Variants in ADAMTS14 observed in about 807,000 individuals in gnomAD.
The protein encoded by ADAMTS14 is ADAM metallopeptidase with thrombospondin type 1 motif 14.
In ADAMTS14, 100 loss-of-function variants were observed where a neutral mutation model predicts 128.6. That is an observed-to-expected ratio of 0.78 (90% confidence interval 0.66 to 0.92). ADAMTS14 has a LOEUF of 0.92. ADAMTS14 is among the 40% of genes least tolerant of loss of function. The probability of loss-of-function intolerance (pLI) is 0.00; values close to 1 mark genes in which losing one functional copy is unlikely to be tolerated. For synonymous variants in ADAMTS14, 665 were observed against 653.8 expected (o/e 1.02, Z -0.26); for missense variants, 1,562 against 1,658.6 (o/e 0.94, Z 1.01).
chr10:70,718,098 G>T (rs1841114443), intron 4 of ADAMTS14, among the ~76,000 whole-genome samples: 1 of 152,188 alleles, frequency 6.6e-6, no homozygotes, highest in African/African-American at 2.4e-5. Flanking sequence ...CCCTTGACAT[G>T]CATTACACAT....
Position 70,743,648 on chromosome 10 carries a change from C to A in ADAMTS14, c.2025C>A (p.Asp675Glu). Residue 675 changes from aspartate (D) to glutamate (E), a missense_variant, in exon 13 of 22, where the codon GAC (aspartate) becomes GAA (glutamate). Physicochemically the swap from Asp to Glu is conservative, Grantham distance 45. Coordinates refer to ENST00000373207, the MANE Select transcript of ADAMTS14 (RefSeq NM_080722.4). Reference sequence around the variant, plus strand: ...ATGGGACACGCTGCAGCTACCGGGACCCATACAGCGTCTGTGCGCGTGGCG... The same window carrying A: ...ATGGGACACGCTGCAGCTACCGGGAACCATACAGCGTCTGTGCGCGTGGCG... ...VHDGTRCSYR[D>E]PYSVCARGEC... The A allele has an allele frequency of 1.9e-6, 3 of 1,609,734 alleles. No individual in the cohort carries two copies. The highest frequency in any genetic ancestry group is 2.5e-6 in the Non-Finnish European group (3 of 1,178,316).
chr10:70,735,044 C>T (rs1841780144), intron 8 of ADAMTS14, 125 bp from the exon 9 acceptor site: 3 of 1,281,934 alleles, frequency 2.3e-6, no homozygotes, highest in African/African-American at 1.5e-5. Context: ...AGAGACAGCG[C>T]TGGGAACAGA....
rs749718374 is a variant in ADAMTS14 at position 70,752,203 on chromosome 10, A to G, written c.2705A>G (p.Asn902Ser). ...KRPKPIRRRC[N>S]QHPCSQPVWV... is the part of the protein sequence containing the mutation. ...CCCAAGCCCATCCGCCGGCGCTGCA[A>G]CCAGCACCCGTGCTCTCAGCCTGTG... Residue 902 changes from asparagine (N) to serine (S), a missense_variant, in exon 18 of 22, where the codon AAC becomes AGC. By Grantham distance (46) the Asn-to-Ser change is conservative. Transcript: ENST00000373207. The G allele has an allele frequency of 1.7e-5, 28 of 1,613,620 alleles. 1 individual carries two copies. The highest frequency in any genetic ancestry group is 8.3e-5 in the Admixed American group (5 of 59,994).
At chr10:70,689,195 C>T (rs1304205336) in intron 2 of ADAMTS14, among the ~76,000 whole-genome samples, 1 of 144,258 alleles carries the variant, frequency 6.9e-6, no homozygotes, top group Admixed American at 6.9e-5. Flanking sequence ...GTCCCCTAAT[C>T]CACGGCCACA....
Position 70,673,099 on chromosome 10 carries a change from G to T in ADAMTS14, c.82+215G>T, listed in dbSNP as rs545427788. Among the ~76,000 whole-genome samples, 4 of 152,332 alleles carry T rather than the reference G, an allele frequency of 2.6e-5. No individual in the cohort carries two copies. The South Asian group carries it at 8.3e-4, about 32-fold the overall frequency. ...TACTAGAAGTAGACAGAGACCCCAG[G>T]AGAGAATTTGGGAGCATCGAGTCTC... On this transcript the variant is annotated intron_variant, in intron 1 of 21. Coordinates refer to ENST00000373207, the MANE Select transcript of ADAMTS14 (RefSeq NM_080722.4).
intron 12 of ADAMTS14, among the ~76,000 whole-genome samples, chr10:70,741,801 T>C (rs1156757765): frequency 6.6e-6 from 1 of 152,198 alleles, no homozygotes; most frequent in Non-Finnish European, 1.5e-5. Flanking sequence ...CATCTATTTT[T>C]GAGTGTTTCC....
chr10:70,709,753 G>A (rs1215266616), intron 4 of ADAMTS14, among the ~76,000 whole-genome samples: 2 of 152,164 alleles, frequency 1.3e-5, no homozygotes, highest in Non-Finnish European at 2.9e-5. Context: ...GCCCGCCTCA[G>A]CCTCCCAAAG....
Position 70,750,476 on chromosome 10 carries a change from GA to G in ADAMTS14, c.2427+493del, listed in dbSNP as rs1589338135. On this transcript the variant is annotated intron_variant, in intron 16 of 21. Transcript: ENST00000373207. ...CCTAGAGCATGGGCCAGGGCTTGTG[GA>G]ATAGGGATTAACCCAGCAGACGAGA... is the stretch of plus-strand genomic sequence containing the variant. Among the ~76,000 whole-genome samples, 11 of 152,286 alleles carry G rather than the reference GA, an allele frequency of 7.2e-5. No homozygotes were observed. In the South Asian group the frequency reaches 2.3e-3, roughly 32 times the overall value.
rs143221436 is a variant in ADAMTS14, at chr10:70,757,457, G to A, written c.2938-505G>A. ...GTTTACAGAGTAAGACACTGAACCA[G>A]GGGTGGGGGGTAGCAGAAGCCACAA... On this transcript the variant is annotated intron_variant, in intron 19 of 21. Coordinates refer to ENST00000373207, the MANE Select transcript of ADAMTS14 (RefSeq NM_080722.4). 1.2e-3 allele frequency among the ~76,000 whole-genome samples: 188 copies of A among 152,300 alleles called. 1 individual carries two copies. In the Middle Eastern group the frequency reaches 0.027, roughly 22 times the overall value.
chr10:70,744,183 C>A lies in ADAMTS14; in HGVS notation c.2176C>A (p.Gln726Lys). 1 of 1,531,744 alleles carries A rather than the reference C, an allele frequency of 6.5e-7. No homozygotes were observed. 94.9% of individuals were successfully genotyped at this position (1,531,744 alleles called of 1,614,324 possible). A position where few individuals can be genotyped will look rare whatever the true frequency, so the allele number is the denominator to read the frequency against. The change falls in exon 14 of 22, where the codon CAG (glutamine) becomes AAG (lysine). Residue 726 changes from glutamine (Q) to lysine (K), a missense_variant. By Grantham distance (53) the Gln-to-Lys change is moderately conservative. Transcript: ENST00000373207. Reference protein sequence around the residue: ...VKGTLGKASKQAGALKLVQIP... With the variant: ...VKGTLGKASKKAGALKLVQIP... ...GGGGACGCTGGGCAAGGCCTCCAAG[C>A]AGGCAGGTGAGCCGGGCTGGGGCTG...
At chr10:70,700,241 C>T (rs1280631491) in intron 2 of ADAMTS14, among the ~76,000 whole-genome samples, 4 of 152,088 alleles carry the variant, frequency 2.6e-5, no homozygotes, top group African/African-American at 9.7e-5. Context: ...CAACCTCTGT[C>T]CCTGAGCCTG....
In ADAMTS14 at chr10:70,758,257, C is replaced by G. The variant is rs1259697796; in HGVS notation, c.3150C>G (p.Pro1050=). 2 of 1,614,218 alleles carry G rather than the reference C, an allele frequency of 1.2e-6. No homozygotes were observed. The highest frequency in any genetic ancestry group is 2.2e-5 in the South Asian group (2 of 91,082). ...GGCAGTGGGTGCCACAATCTGAACC[C>G]CTACATCCCATTAACAAGATATCAT... ...PEGQWVPQSE[P]LHPINKISST... The change falls in exon 21 of 22, where the codon CCC becomes CCG. Residue 1050 remains proline, a synonymous_variant. Transcript: ENST00000373207.
chr10:70,736,544 T>TGA lies in ADAMTS14; in HGVS notation c.1486-134_1486-133dup. On this transcript the variant is annotated intron_variant, in intron 9 of 21. Transcript: ENST00000373207. The stretch of plus-strand genomic sequence containing the variant: ...TGGAGTTGAGTAAACTTGAAGCAGG[T>TGA]GAGGGGCTCTGGCTGCCTTCCCTGC... 10 of 682,222 alleles carry TGA rather than the reference T, an allele frequency of 1.5e-5. 1 individual carries two copies. In the South Asian group the frequency reaches 2.4e-4, roughly 16 times the overall value. The allele number at this position is 682,222 out of a possible 1,614,324, so 42.3% of individuals were successfully genotyped here.
At chr10:70,705,458 T>C (rs1387513135) in intron 3 of ADAMTS14, among the ~76,000 whole-genome samples, 1 of 152,248 alleles carries the variant, frequency 6.6e-6, no homozygotes, top group African/African-American at 2.4e-5. Flanking sequence ...TACAAGCAAT[T>C]GAGATAAAAT....
intron 2 of ADAMTS14, among the ~76,000 whole-genome samples, chr10:70,686,439 G>A (rs1366669162): frequency 9.3e-6 from 1 of 107,496 alleles, no homozygotes; most frequent in African/African-American, 3.5e-5. Flanking sequence ...GCGGCCTTCC[G>A]CAGTGTTTGT....
At position 70,752,161 on chromosome 10, in the gene ADAMTS14, G is replaced by C. The variant is rs1842369445; in HGVS notation, c.2663G>C (p.Cys888Ser). ...CACCACATGGTGCAGCGACACCTGT[G>C]TGACCACAAGAAGAGGCCCAAGCCC... is the stretch of plus-strand genomic sequence containing the variant. ...RDHHMVQRHL[C>S]DHKKRPKPIR... Residue 888 changes from cysteine (C) to serine (S), a missense_variant, in exon 18 of 22, where the codon TGT becomes TCT. Coordinates refer to ENST00000373207, the MANE Select transcript of ADAMTS14 (RefSeq NM_080722.4). 6.2e-7 allele frequency: 1 copy of C among 1,613,506 alleles called. No homozygotes were observed. The highest frequency in any genetic ancestry group is 8.5e-7 in the Non-Finnish European group (1 of 1,179,980).
intron 4 of ADAMTS14, among the ~76,000 whole-genome samples, chr10:70,715,123 ATTTCT>A (rs1840999169): frequency 4.6e-5 from 7 of 152,098 alleles, no homozygotes; most frequent in Non-Finnish European, 1.5e-5. Flanking sequence ...GTCAAGTGGT[ATTTCT>A]GTCTTTATGA....
chr10:70,695,608 C>T (rs1437777658), intron 2 of ADAMTS14, among the ~76,000 whole-genome samples: 1 of 152,204 alleles, frequency 6.6e-6, no homozygotes, highest in Non-Finnish European at 1.5e-5. Context: ...GCCTGTCCCT[C>T]CTCCTTGATT....
At chr10:70,702,662 TA>T (rs771970084) in intron 3 of ADAMTS14, among the ~76,000 whole-genome samples, 194 bp downstream of exon 3, 15 of 152,150 alleles carry the variant, frequency 9.9e-5, no homozygotes, top group Non-Finnish European at 1.8e-4. Context: ...TGGCTGGAGC[TA>T]GGGGCCAGAG....
Sources: gnomAD v4.1 joint callset for allele counts (sites outside exome capture counted in the v4.1 genomes callset) on GRCh38, gnomAD v4.1.1 for gene constraint, MANE v1.5 for transcripts, NCBI Gene and HGNC (gene_info 2026-07-23, HGNC 2026-07-21) for gene names.